Variants in CCDC18 observed in about 807,000 individuals in gnomAD.
The protein encoded by CCDC18 is coiled-coil domain containing 18.
CCDC18 carries 157 observed loss-of-function variants against 196.0 expected under a neutral mutation model. The observed-to-expected ratio is 0.80, with a 90% CI of 0.70 to 0.91. The LOEUF is 0.91. Ranked by LOEUF, CCDC18 falls within the 40% of genes least tolerant of loss-of-function variation. CCDC18 has a pLI of 0.00. For missense variants in CCDC18, 1,465 were observed against 1,611.6 expected, an observed-to-expected ratio of 0.91 and a Z score of 1.56; for synonymous variants, 482 against 529.2, an observed-to-expected ratio of 0.91 and a Z score of 1.22.
intron 4 of CCDC18, among the ~76,000 whole-genome samples, chr1:93,188,107 G>A (rs934459136): frequency 1.4e-4 from 22 of 152,198 alleles, no homozygotes; most frequent in Non-Finnish European, 3.1e-4. Flanking sequence ...ATGTGAGAAA[G>A]TAAGATACTA....
chr1:93,264,827 G>A lies in CCDC18; in HGVS notation c.3811G>A (p.Val1271Ile). 6.2e-7 allele frequency: 1 copy of A among 1,613,530 alleles called. No individual in the cohort carries two copies. The highest frequency in any genetic ancestry group is 8.5e-7 in the Non-Finnish European group (1 of 1,179,600). The change falls in exon 27 of 29, where the codon GTA becomes ATA. Residue 1271 changes from valine (V) to isoleucine (I), a missense_variant. Physicochemically the swap from Val to Ile is conservative, Grantham distance 29. Coordinates refer to ENST00000690025, the MANE Select transcript of CCDC18 (RefSeq NM_001378204.1). ...KLELEEAQDT[V>I]SNLHQQVQDR... ...GGAATTAGAAGAAGCTCAGGATACT[G>A]TAAGCAATTTGCATCAACAAGTCCA...
chr1:93,180,538 C>T, upstream of CCDC18: 1 of 1,507,740 alleles, frequency 6.6e-7, no homozygotes, highest in Non-Finnish European at 8.9e-7. Flanking sequence ...CCCATGGCTT[C>T]CCCCACCAAT....
chr1:93,215,051 GT>G, intron 12 of CCDC18, 85 bp downstream of exon 12: 2 of 810,240 alleles, frequency 2.5e-6, no homozygotes, highest in Non-Finnish European at 3.7e-6. Flanking sequence ...AAAATTATAT[GT>G]TTACATCCAG....
At chr1:93,269,192 C>T (rs1344676731) in intron 27 of CCDC18, among the ~76,000 whole-genome samples, 8 of 147,560 alleles carry the variant, frequency 5.4e-5, no homozygotes, top group Non-Finnish European at 1.0e-4. Flanking sequence ...AACCAAACAC[C>T]GCATGTTCTC....
intron 27 of CCDC18, among the ~76,000 whole-genome samples, chr1:93,270,052 A>G (rs11801175): frequency 0.089 from 13,588 of 152,202 alleles, 1,996 homozygotes; most frequent in African/African-American, 0.31. Flanking sequence ...TAAGATTTCA[A>G]TCTTGAATAG....
intron 26 of CCDC18, among the ~76,000 whole-genome samples, chr1:93,261,236 G>A (rs1361368564): frequency 6.6e-6 from 1 of 152,006 alleles, no homozygotes; most frequent in African/African-American, 2.4e-5. Flanking sequence ...AATAATAAAT[G>A]TAAAACTCCT....
At chr1:93,183,304 G>C in intron 1 of CCDC18, 56 bp from the exon 2 acceptor site, 1 of 1,275,554 alleles carries the variant, frequency 7.8e-7, no homozygotes, top group South Asian at 1.7e-5. Flanking sequence ...TGAGTATTTT[G>C]ACTGAAACTA....
chr1:93,182,129 G>A lies in CCDC18; in HGVS notation c.-2-1231G>A, dbSNP rs138645724. Among the ~76,000 whole-genome samples, 414 of 152,320 alleles carry A rather than the reference G, an allele frequency of 2.7e-3. 2 individuals carry two copies. Among genetic ancestry groups the A allele is most frequent in the Admixed American group, 5.8e-3 (88 of 15,302 alleles). On this transcript the variant is annotated intron_variant, in intron 1 of 28. Transcript: ENST00000690025. ...CTGCGAGAGTCTTGTCACTTAAGCA[G>A]AAGCAAATTTGTGGAAACAAAAAAG... is the stretch of plus-strand genomic sequence containing the variant.
At chr1:93,210,998 C>T (rs1312557791) in intron 10 of CCDC18, 72 bp downstream of exon 10, 27 of 1,499,980 alleles carry the variant, frequency 1.8e-5, no homozygotes, top group Middle Eastern at 1.8e-4. Flanking sequence ...CTTAATTGGC[C>T]GGGCATGGTG....
chr1:93,204,063 G>A (rs1029112160), intron 7 of CCDC18, among the ~76,000 whole-genome samples: 1 of 152,056 alleles, frequency 6.6e-6, no homozygotes, highest in Non-Finnish European at 1.5e-5. Context: ...GAGAGGCAGC[G>A]AATGGAAGGG....
At chr1:93,216,380 C>G (rs1289495607) in intron 12 of CCDC18, among the ~76,000 whole-genome samples, 1 of 152,194 alleles carries the variant, frequency 6.6e-6, no homozygotes, top group Non-Finnish European at 1.5e-5. Flanking sequence ...TTATGTTTTA[C>G]ATAGATAGAA....
At chr1:93,232,854 C>T (rs971199834) in intron 18 of CCDC18, among the ~76,000 whole-genome samples, 1 of 152,128 alleles carries the variant, frequency 6.6e-6, no homozygotes, top group Admixed American at 6.5e-5. Flanking sequence ...GCCTGTAACC[C>T]CAGCTACTGA....
chr1:93,209,476 T>C (rs1655257240), intron 9 of CCDC18, among the ~76,000 whole-genome samples: 1 of 152,212 alleles, frequency 6.6e-6, no homozygotes, highest in African/African-American at 2.4e-5. Context: ...GACTTACCAA[T>C]GTTAAACTGT....
intron 3 of CCDC18, among the ~76,000 whole-genome samples, chr1:93,185,075 CA>C (rs1162248745): frequency 6.6e-6 from 1 of 151,800 alleles, no homozygotes; most frequent in Non-Finnish European, 1.5e-5. Context: ...GGGCAAAAGA[CA>C]TGAACGGAAA....
chr1:93,254,524 A>G lies in CCDC18; in HGVS notation c.3252A>G (p.Lys1084=). 1 of 1,602,960 alleles carries G rather than the reference A, an allele frequency of 6.2e-7. No homozygotes were observed. ...LQNAKEQLRE[K]EFIMLQNEQE... Reference sequence around the variant, plus strand: ...ATGCTAAAGAACAGCTTCGAGAAAAAGAGTTTATAATGCTACAAAATGAAC... The same window carrying G: ...ATGCTAAAGAACAGCTTCGAGAAAAGGAGTTTATAATGCTACAAAATGAAC... Residue 1084 remains lysine, a synonymous_variant, in exon 24 of 29, where the codon AAA becomes AAG. Coordinates refer to ENST00000690025, the MANE Select transcript of CCDC18 (RefSeq NM_001378204.1).
intron 18 of CCDC18, among the ~76,000 whole-genome samples, chr1:93,235,247 G>A (rs1041773936): frequency 6.6e-6 from 1 of 152,116 alleles, no homozygotes; most frequent in African/African-American, 2.4e-5. Context: ...TATTCATGAA[G>A]ACATGGAGTG....
At chr1:93,239,221 T>G in intron 19 of CCDC18, 89 bp from the exon 20 acceptor site, 1 of 976,506 alleles carries the variant, frequency 1.0e-6, no homozygotes, top group Non-Finnish European at 1.5e-6. Context: ...TATTTGTCCT[T>G]ATATAACTTG....
chr1:93,193,264 A>G (rs896097778), intron 5 of CCDC18, among the ~76,000 whole-genome samples: 26 of 152,058 alleles, frequency 1.7e-4, no homozygotes, highest in African/African-American at 6.3e-4. Flanking sequence ...ACCTTTTCAT[A>G]TTTGCTTTTT....
rs1656208739 is a variant in CCDC18 at position 93,214,714 on chromosome 1, C to A, written c.1496-29C>A. On this transcript the variant is annotated intron_variant, in intron 11 of 28. Coordinates refer to ENST00000690025, the MANE Select transcript of CCDC18 (RefSeq NM_001378204.1). ...AGGTTTTTATTCTTGAAGTCCTATTCAGAACAATTTTCCTTTTATGTTTAT... is the reference window on the plus strand; with the variant it reads ...AGGTTTTTATTCTTGAAGTCCTATTAAGAACAATTTTCCTTTTATGTTTAT... 3 of 1,517,390 alleles carry A rather than the reference C, an allele frequency of 2.0e-6. No individual in the cohort carries two copies. In the East Asian group the frequency reaches 6.8e-5, roughly 34 times the overall value. The allele number at this position is 1,517,390 out of a possible 1,614,324, so 94.0% of individuals were successfully genotyped here. A position where few individuals can be genotyped will look rare whatever the true frequency, so the allele number is the denominator to read the frequency against.
Sources: allele counts gnomAD v4.1 joint callset (sites outside exome capture counted in the v4.1 genomes callset), GRCh38; gene constraint gnomAD v4.1.1; transcripts MANE v1.5; gene names NCBI Gene and HGNC (gene_info 2026-07-23, HGNC 2026-07-21).